The following PRKD2 variants were observed in gnomAD, a reference collection of about 807,000 sequenced individuals.
PRKD2 encodes the protein protein kinase D2.
Under a neutral mutation model 86.0 loss-of-function variants are expected in PRKD2, and 22 were observed. The observed-to-expected ratio is 0.26, with a 90% CI of 0.18 to 0.37. PRKD2 has a LOEUF of 0.37. PRKD2 is among the 10% of genes least tolerant of loss of function. The pLI is 1.00. For missense variants in PRKD2, 818 were observed against 1,199.2 expected (o/e 0.68, Z 4.70); for synonymous variants, 509 against 510.9 (o/e 1.00, Z 0.05).
At chr19:46,697,975 G>C in intron 7 of PRKD2, 125 bp from the exon 8 acceptor site, 1 of 770,242 alleles carries the variant, frequency 1.3e-6, no homozygotes, top group East Asian at 2.6e-5. Flanking sequence ...GGTTTGTTTT[G>C]ACATTTTCCC....
chr19:46,712,441 T>C (rs2053823209), intron 2 of PRKD2, among the ~76,000 whole-genome samples: 1 of 151,724 alleles, frequency 6.6e-6, no homozygotes, highest in Non-Finnish European at 1.5e-5. Flanking sequence ...CTCGGGAGGC[T>C]GAGGCAGGAG....
intron 1 of PRKD2, chr19:46,714,490 C>CGGG (rs1254751346): frequency 1.2e-3 from 54 of 43,550 alleles, no homozygotes; most frequent in Non-Finnish European, 1.6e-3. Context: ...GGGGGGGGGC[C>CGGG]GGGGGACTTG....
intron 3 of PRKD2, among the ~76,000 whole-genome samples, chr19:46,708,015 T>C (rs1444810508): frequency 6.6e-6 from 1 of 151,954 alleles, no homozygotes. Context: ...GGAGAATCGC[T>C]TGAGCCTGGG....
intron 2 of PRKD2, 96 bp from the exon 3 acceptor site, chr19:46,711,134 C>A: frequency 6.9e-7 from 1 of 1,452,148 alleles, no homozygotes; most frequent in East Asian, 2.5e-5. Context: ...CTCCCAGCCG[C>A]AAGGTGTGAT....
chr19:46,712,289 G>A (rs1191137911), intron 2 of PRKD2, among the ~76,000 whole-genome samples: 1 of 149,888 alleles, frequency 6.7e-6, no homozygotes, highest in African/African-American at 2.5e-5. Flanking sequence ...ACCTGTAATC[G>A]CAGCACTTTG....
chr19:46,711,067 T>C, intron 2 of PRKD2, 29 bp from the exon 3 acceptor site: 1 of 1,558,084 alleles, frequency 6.4e-7, no homozygotes, highest in African/African-American at 1.4e-5. Flanking sequence ...GGTGGATGCT[T>C]GAGGCGGGGT....
intron 9 of PRKD2, among the ~76,000 whole-genome samples, chr19:46,694,940 G>A (rs1203408923): frequency 1.3e-5 from 2 of 152,152 alleles, no homozygotes; most frequent in Admixed American, 6.5e-5. Flanking sequence ...GGTGCCACAA[G>A]CCTGTAATCC....
chr19:46,702,294 C>T (rs1046321323), intron 5 of PRKD2, among the ~76,000 whole-genome samples: 1 of 151,352 alleles, frequency 6.6e-6, no homozygotes, highest in Non-Finnish European at 1.5e-5. Context: ...CCCACCTAAG[C>T]CTCCCAAAGT....
chr19:46,697,334 T>C (rs1003488629), intron 8 of PRKD2, 100 bp from the exon 9 acceptor site: 3 of 865,866 alleles, frequency 3.5e-6, no homozygotes, highest in Admixed American at 2.3e-5. Flanking sequence ...GAGCACCACG[T>C]GCACGCCGTA....
At chr19:46,690,832 A>G (rs2053473664) in intron 12 of PRKD2, 126 bp from the exon 13 acceptor site, 1 of 778,606 alleles carries the variant, frequency 1.3e-6, no homozygotes, top group African/African-American at 1.7e-5. Context: ...CAGAGTTGGA[A>G]GGCCCCAGGA....
chr19:46,674,760 G>T, intron 17 of PRKD2, 25 bp from the exon 18 acceptor site: 1 of 1,595,182 alleles, frequency 6.3e-7, no homozygotes, highest in South Asian at 1.1e-5. Context: ...ACTGGGGTTA[G>T]CTTGGGGTCT....
chr19:46,696,749 G>A (rs768640168), intron 9 of PRKD2, among the ~76,000 whole-genome samples: 4 of 152,012 alleles, frequency 2.6e-5, no homozygotes, highest in African/African-American at 7.3e-5. Context: ...GTGAGACTCT[G>A]TCTCAAAAAA....
Position 46,689,529 on chromosome 19 carries a change from A to G in PRKD2, c.1971+8T>C, listed in dbSNP as rs761664767. On this transcript the variant is annotated splice_region_variant and intron_variant, in intron 14 of 17. Transcript: ENST00000291281. Reference sequence around the variant, plus strand: ...AGGGGCGGGTGGCAGCGGGCAGGGCAGACGCACCTGGGTGATGAGGAACTT... The same window carrying G: ...AGGGGCGGGTGGCAGCGGGCAGGGCGGACGCACCTGGGTGATGAGGAACTT... 10 of 1,592,546 alleles carry G rather than the reference A, an allele frequency of 6.3e-6. No homozygotes were observed. In the South Asian group the frequency reaches 1.1e-4, roughly 18 times the overall value.
chr19:46,713,196 T>C (rs1028029768), intron 2 of PRKD2, among the ~76,000 whole-genome samples: 53 of 149,964 alleles, frequency 3.5e-4, no homozygotes, highest in African/African-American at 1.0e-3. Flanking sequence ...CTTTTTTTTT[T>C]TTTTTTTTTT....
At chr19:46,715,663 G>A (rs951589078) in intron 1 of PRKD2, among the ~76,000 whole-genome samples, 1 of 152,182 alleles carries the variant, frequency 6.6e-6, no homozygotes, top group Non-Finnish European at 1.5e-5. Flanking sequence ...GGGGAGGGCA[G>A]AATTGGGCTC....
At chr19:46,691,035 G>A (rs2053476343) in intron 12 of PRKD2, among the ~76,000 whole-genome samples, 1 of 152,144 alleles carries the variant, frequency 6.6e-6, no homozygotes, top group Admixed American at 6.6e-5. Flanking sequence ...ACCAGCACCA[G>A]GGGAGGCAGA....
chr19:46,705,730 T>A (rs1410357866), intron 3 of PRKD2, among the ~76,000 whole-genome samples: 2 of 150,602 alleles, frequency 1.3e-5, no homozygotes, highest in African/African-American at 4.9e-5. Context: ...GAGGTTGTAG[T>A]GAGCTGAGAT....
chr19:46,711,928 C>T (rs989890870), intron 2 of PRKD2, among the ~76,000 whole-genome samples: 5 of 151,002 alleles, frequency 3.3e-5, no homozygotes, highest in Admixed American at 3.3e-4. Context: ...ATTAGCCAGG[C>T]CTGGTGCCGC....
At chr19:46,681,056 C>T (rs1443277264) in intron 15 of PRKD2, among the ~76,000 whole-genome samples, 1 of 149,056 alleles carries the variant, frequency 6.7e-6, no homozygotes, top group Non-Finnish European at 1.5e-5. Context: ...CGGGTTCATG[C>T]CATTCTCCTA....
Sources: allele counts gnomAD v4.1 joint callset (sites outside exome capture counted in the v4.1 genomes callset), GRCh38; gene constraint gnomAD v4.1.1; transcripts MANE v1.5; gene names NCBI Gene and HGNC (gene_info 2026-07-23, HGNC 2026-07-21).